FMNL3: variants seen among roughly 807,000 people sequenced by gnomAD.
FMNL3 encodes formin like 3.
Under a neutral mutation model 119.6 loss-of-function variants are expected in FMNL3, and 57 were observed. That is an observed-to-expected ratio of 0.48 (90% confidence interval 0.39 to 0.59). FMNL3 has a LOEUF of 0.59. Among genes scored for constraint, FMNL3 ranks in the 20% least tolerant of loss-of-function variants. FMNL3 has a pLI of 0.00. For synonymous variants in FMNL3, 491 were observed against 507.3 expected (o/e 0.97, Z 0.43); for missense variants, 1,053 against 1,323.5 (o/e 0.80, Z 3.17).
chr12:49,651,319 C>G, intron 15 of FMNL3, 27 bp from the exon 16 acceptor site: 1 of 1,607,816 alleles, frequency 6.2e-7, no homozygotes, highest in Admixed American at 1.7e-5. Flanking sequence ...ATCAGTGACA[C>G]AGGGGCCAAG....
In FMNL3 at chr12:49,646,957, C is replaced by G. The variant is rs748228540; in HGVS notation, c.2924G>C (p.Arg975Thr). The G allele has an allele frequency of 1.9e-6, 3 of 1,614,020 alleles. No homozygotes were observed. ...WQQQELIAEL[R>T]RRQAKEHRPV... ...CCGGTGTTCCTTGGCCTGGCGCCGC[C>G]TCAACTCTGCTATTAACTCCTGCTG... Residue 975 changes from arginine to threonine, a missense_variant, in exon 25 of 26, where the codon AGG becomes ACG. By Grantham distance (71) the Arg-to-Thr change is moderately conservative (BLOSUM62 -1). Around this residue, in one of 4 missense-constraint regions of FMNL3, gnomAD observed 324 missense variants for 380.9 expected, o/e 0.85. Coordinates refer to ENST00000335154, the MANE Select transcript of FMNL3 (RefSeq NM_175736.5).
Position 49,638,008 on chromosome 12 carries a change from A to C in FMNL3, c.*7807T>G. ...TACACAATTTCTACCACAGGAGCTC[A>C]TGGTCTAATAGGAAGATATACATGA... On this transcript the variant is annotated 3_prime_UTR_variant, in exon 26 of 26. Coordinates refer to ENST00000335154, the MANE Select transcript of FMNL3 (RefSeq NM_175736.5). 1.3e-4 allele frequency: 77 copies of C among 587,180 alleles called. No homozygotes were observed. Among genetic ancestry groups the C allele is most frequent in the Middle Eastern group, 4.5e-4 (1 of 2,238 alleles). The allele number at this position is 587,180 out of a possible 1,614,324, so 36.4% of individuals were successfully genotyped here. A position where few individuals can be genotyped will look rare whatever the true frequency, so the allele number is the denominator to read the frequency against.
chr12:49,651,361 C>A, intron 15 of FMNL3, 21 bp downstream of exon 15: 2 of 1,584,360 alleles, frequency 1.3e-6, no homozygotes, highest in Non-Finnish European at 1.7e-6. Context: ...CAGCCCTGCC[C>A]AGAGCCCTGG....
chr12:49,658,713 G>C (rs1943649374), intron 5 of FMNL3, 119 bp from the exon 6 acceptor site: 2 of 1,221,826 alleles, frequency 1.6e-6, no homozygotes, highest in Non-Finnish European at 2.2e-6. Flanking sequence ...CAAGCAGCAG[G>C]GGTAGCAAGG....
In FMNL3 at chr12:49,643,366, G is replaced by C; in HGVS notation, c.*2449C>G. The C allele has an allele frequency of 6.3e-7, 1 of 1,580,426 alleles. No individual in the cohort carries two copies. The highest frequency in any genetic ancestry group is 1.2e-5 in the South Asian group (1 of 86,400). ...GTGGGGGTGCTGCCCTTGGAGGACG[G>C]GGCTCCCCTTCCTCCCATCTTCTTG... On this transcript the variant is annotated 3_prime_UTR_variant, in exon 26 of 26. Transcript: ENST00000335154.
Position 49,647,456 on chromosome 12 carries a change from G to T in FMNL3, c.2779-88C>A. On this transcript the variant is annotated intron_variant, in intron 23 of 25. Coordinates refer to ENST00000335154, the MANE Select transcript of FMNL3 (RefSeq NM_175736.5). This position sits in a 1 kb window ranked among gnomAD's most constrained non-coding sequence, Gnocchi z 4.9. ...ACACTGAGGTGGAGAGTGGGTGGCA[G>T]TGGGACCCGCTAACTCCAGGTGGCC... The T allele has an allele frequency of 7.0e-7, 1 of 1,420,318 alleles. No homozygotes were observed. The highest frequency in any genetic ancestry group is 9.8e-7 in the Non-Finnish European group (1 of 1,015,772). 88.0% of individuals were successfully genotyped at this position (1,420,318 alleles called of 1,614,324 possible).
At chr12:49,650,060 G>T in intron 17 of FMNL3, 135 bp from the exon 18 acceptor site, 2 of 701,444 alleles carry the variant, frequency 2.9e-6, no homozygotes, top group Non-Finnish European at 4.8e-6. Flanking sequence ...AGGACCCATT[G>T]CATCATCTGT....
intron 1 of FMNL3, among the ~76,000 whole-genome samples, chr12:49,669,886 AAAG>A (rs1402290525): frequency 9.4e-5 from 14 of 149,140 alleles, no homozygotes; most frequent in African/African-American, 2.7e-4. Context: ...CACAAACAAA[AAAG>A]AATAAAGGCA....
chr12:49,686,501 T>C (rs1944463838), intron 1 of FMNL3, among the ~76,000 whole-genome samples: 1 of 145,260 alleles, frequency 6.9e-6, no homozygotes, highest in Admixed American at 7.1e-5. Context: ...TGGCATGAAC[T>C]CGGGAGGCGG....
chr12:49,643,455 G>GCCCT lies in FMNL3; in HGVS notation c.*2356_*2359dup. 6.6e-7 allele frequency: 1 copy of GCCCT among 1,515,370 alleles called. No homozygotes were observed. The allele number at this position is 1,515,370 out of a possible 1,614,324, so 93.9% of individuals were successfully genotyped here. On this transcript the variant is annotated 3_prime_UTR_variant, in exon 26 of 26. Coordinates refer to ENST00000335154, the MANE Select transcript of FMNL3 (RefSeq NM_175736.5). ...AACTGTTGTCCCAGACTGAGAGGATGCCCTCCACAAGCCCCAGCTCCTTTG... is the reference window on the plus strand; with the variant it reads ...AACTGTTGTCCCAGACTGAGAGGATGCCCTCCCTCCACAAGCCCCAGCTCCTTTG...
Position 49,657,092 on chromosome 12 carries a change from A to T in FMNL3, c.704T>A (p.Met235Lys). Residue 235 changes from methionine to lysine, a missense_variant, in exon 7 of 26, where the codon ATG becomes AAG. Around this residue, in one of 4 missense-constraint regions of FMNL3, gnomAD observed 445 missense variants for 628.4 expected, o/e 0.71. Transcript: ENST00000335154. ...HVCILCLRAI[M>K]NYQYGFNLVM... ...GTGCTTCCCCCTTACCTGATAGTTC[A>T]TGATGGCTCTGAGACAAAGGATACA... 1 of 1,614,146 alleles carries T rather than the reference A, an allele frequency of 6.2e-7. No homozygotes were observed. The highest frequency in any genetic ancestry group is 8.5e-7 in the Non-Finnish European group (1 of 1,179,990).
rs1943242357 is a variant in FMNL3 at position 49,647,466 on chromosome 12, CT to C, written c.2779-99del. 1 of 1,366,070 alleles carries C rather than the reference CT, an allele frequency of 7.3e-7. No homozygotes were observed. Among genetic ancestry groups the C allele is most frequent in the South Asian group, 1.2e-5 (1 of 85,748 alleles). 84.6% of individuals were successfully genotyped at this position (1,366,070 alleles called of 1,614,324 possible). On this transcript the variant is annotated intron_variant, in intron 23 of 25. Coordinates refer to ENST00000335154, the MANE Select transcript of FMNL3 (RefSeq NM_175736.5). The surrounding 1 kb of genome is among the most constrained non-coding windows in gnomAD (Gnocchi z 4.9). ...GGAGAGTGGGTGGCAGTGGGACCCG[CT>C]AACTCCAGGTGGCCACCCTCTGGAG...
chr12:49,700,955 T>A (rs1944893660), intron 1 of FMNL3, among the ~76,000 whole-genome samples: 1 of 150,928 alleles, frequency 6.6e-6, no homozygotes, highest in African/African-American at 2.4e-5. Flanking sequence ...GGTGGGCGTC[T>A]GTAATCCCAG....
intron 1 of FMNL3, among the ~76,000 whole-genome samples, chr12:49,670,046 A>T (rs1484631529): frequency 1.3e-5 from 2 of 152,240 alleles, no homozygotes; most frequent in Admixed American, 6.5e-5. Flanking sequence ...CCAGCCACCT[A>T]GAAGGCTGCC....
rs1256718983 is a variant in FMNL3, at chr12:49,707,166, C to T, written c.15G>A (p.Glu5=). 14 of 1,571,348 alleles carry T rather than the reference C, an allele frequency of 8.9e-6. No homozygotes were observed. The highest frequency in any genetic ancestry group is 1.2e-5 in the Non-Finnish European group (14 of 1,161,956). MGNL[E]SAEGVPGEPP... is the part of the protein sequence containing the mutation. Reference sequence around the variant, plus strand: ...GCTCTCCCGGGACCCCCTCGGCGCTCTCCAGGTTGCCCATCGCGGCGGGGC... The same window carrying T: ...GCTCTCCCGGGACCCCCTCGGCGCTTTCCAGGTTGCCCATCGCGGCGGGGC... The change falls in exon 1 of 26, where the codon GAG becomes GAA. Residue 5 remains glutamate (E), a synonymous_variant. Coordinates refer to ENST00000335154, the MANE Select transcript of FMNL3 (RefSeq NM_175736.5).
intron 1 of FMNL3, among the ~76,000 whole-genome samples, chr12:49,701,608 T>C (rs866602878): frequency 1.4e-4 from 22 of 152,322 alleles, no homozygotes; most frequent in South Asian, 1.0e-3. Context: ...CTTCACTTGA[T>C]GGACCATCGT....
chr12:49,649,540 T>C lies in FMNL3; in HGVS notation c.2236-2A>G. 6.2e-7 allele frequency: 1 copy of C among 1,614,148 alleles called. No individual in the cohort carries two copies. The highest frequency in any genetic ancestry group is 8.5e-7 in the Non-Finnish European group (1 of 1,180,046). On this transcript the variant is annotated splice_acceptor_variant, in intron 18 of 25. Coordinates refer to ENST00000335154, the MANE Select transcript of FMNL3 (RefSeq NM_175736.5). LOFTEE classifies it high-confidence loss of function. This position sits in a 1 kb window ranked among gnomAD's most constrained non-coding sequence, Gnocchi z 5.6. ...CGCCGCAATGATGGCATTGAGTTGC[T>C]GTAGGACAATATGAACACTGAAGTA...
At position 49,650,906 on chromosome 12, in the gene FMNL3, C is replaced by T. The variant is rs201220332; in HGVS notation, c.1798-28G>A. ...GGCAGGAATAGGTGAGCAAGGAAAA[C>T]GCTGTAGCCTCATACTAGTGGAGGA... On this transcript the variant is annotated intron_variant, in intron 16 of 25. Transcript: ENST00000335154. 625 of 1,612,660 alleles carry T rather than the reference C, an allele frequency of 3.9e-4. 1 individual carries two copies. In the African/African-American group the frequency reaches 6.0e-3, roughly 15 times the overall value.
intron 1 of FMNL3, among the ~76,000 whole-genome samples, chr12:49,675,735 A>T (rs1944168141): frequency 6.6e-6 from 1 of 152,228 alleles, no homozygotes; most frequent in Non-Finnish European, 1.5e-5. Flanking sequence ...GAAACTTTCA[A>T]ACTTCCAAGC....
Sources: gnomAD v4.1 joint callset for allele counts (sites outside exome capture counted in the v4.1 genomes callset) on GRCh38, gnomAD v4.1.1 for gene constraint, gnomAD v4.1.1 regional missense constraint, Gnocchi (gnomAD v3.1) non-coding constraint, MANE v1.5 for transcripts, NCBI Gene and HGNC (gene_info 2026-07-23, HGNC 2026-07-21) for gene names.